The following TSPAN18 variants were observed in gnomAD, a reference collection of about 807,000 sequenced individuals.
TSPAN18 encodes tetraspanin-18.
In TSPAN18, 14 loss-of-function variants were observed where a neutral mutation model predicts 27.3. The observed-to-expected ratio is 0.51, with a 90% confidence interval of 0.34 to 0.80. The LOEUF is 0.80. Ranked by LOEUF, TSPAN18 falls within the 30% of genes least tolerant of loss-of-function variation. The pLI is 0.01. For synonymous variants in TSPAN18, 143 were observed against 136.5 expected, an observed-to-expected ratio of 1.05 and a Z score of -0.33; for missense variants, 268 against 323.9, an observed-to-expected ratio of 0.83 and a Z score of 1.32.
rs748009173 is a variant in TSPAN18, at chr11:44,930,693, T to G, written c.*1515T>G. Reference sequence around the variant, plus strand: ...TAGATCAGGGGTGGCTGCTGGAGGCTGTGCTGGGGATCTGAGGTTTGGTCT... The same window carrying G: ...TAGATCAGGGGTGGCTGCTGGAGGCGGTGCTGGGGATCTGAGGTTTGGTCT... On this transcript the variant is annotated 3_prime_UTR_variant, in exon 10 of 10. Coordinates refer to ENST00000520358, the MANE Select transcript of TSPAN18 (RefSeq NM_130783.5). The G allele has an allele frequency of 1.5e-4, 56 of 378,500 alleles. No individual in the cohort carries two copies. Among genetic ancestry groups the G allele is most frequent in the Non-Finnish European group, 2.8e-4 (52 of 188,262 alleles). 23.4% of individuals were successfully genotyped at this position (378,500 alleles called of 1,614,324 possible). A position where few individuals can be genotyped will look rare whatever the true frequency, so the allele number is the denominator to read the frequency against.
rs577043389 is a variant in TSPAN18 at position 44,896,828 on chromosome 11, C to T, written c.-10-9579C>T. 2.0e-5 allele frequency among the ~76,000 whole-genome samples: 3 copies of T among 152,254 alleles called. No homozygotes were observed. In the South Asian group the frequency reaches 6.2e-4, roughly 32 times the overall value. On this transcript the variant is annotated intron_variant, in intron 3 of 9. Transcript: ENST00000520358. ...ACCACCACTCACTTGTGTGCCCATG[C>T]TTATTTGCACCTCACACTCTCTGGC...
chr11:44,911,920 CTT>C (rs1174607088), intron 5 of TSPAN18, among the ~76,000 whole-genome samples: 11 of 91,466 alleles, frequency 1.2e-4, no homozygotes, highest in African/African-American at 4.1e-4. Context: ...ATGGCAGATC[CTT>C]CCCCTTCCCC....
rs971901682 is a variant in TSPAN18, at chr11:44,930,676, G to A, written c.*1498G>A. On this transcript the variant is annotated 3_prime_UTR_variant, in exon 10 of 10. Coordinates refer to ENST00000520358, the MANE Select transcript of TSPAN18 (RefSeq NM_130783.5). The stretch of plus-strand genomic sequence containing the variant: ...AGATGCTCCTACCCTGATAGATCAG[G>A]GGTGGCTGCTGGAGGCTGTGCTGGG... 2.7e-6 allele frequency: 1 copy of A among 370,394 alleles called. No individual in the cohort carries two copies. The highest frequency in any genetic ancestry group is 2.1e-5 in the African/African-American group (1 of 47,174). The allele number at this position is 370,394 out of a possible 1,614,324, so 22.9% of individuals were successfully genotyped here.
Position 44,930,663 on chromosome 11 carries a change from C to G in TSPAN18, c.*1485C>G, listed in dbSNP as rs1860526409. 2.8e-6 allele frequency: 1 copy of G among 362,862 alleles called. No homozygotes were observed. The highest frequency in any genetic ancestry group is 2.0e-5 in the South Asian group (1 of 49,156). 22.5% of individuals were successfully genotyped at this position (362,862 alleles called of 1,614,324 possible). Reference sequence around the variant, plus strand: ...CAACTGGATTGCAAGATGCTCCTACCCTGATAGATCAGGGGTGGCTGCTGG... The same window carrying G: ...CAACTGGATTGCAAGATGCTCCTACGCTGATAGATCAGGGGTGGCTGCTGG... On this transcript the variant is annotated 3_prime_UTR_variant, in exon 10 of 10. Coordinates refer to ENST00000520358, the MANE Select transcript of TSPAN18 (RefSeq NM_130783.5).
At chr11:44,909,490 G>A (rs11038203) in intron 4 of TSPAN18, 15,735 of 560,974 alleles carry the variant, frequency 0.028, 736 homozygotes, top group East Asian at 0.16. Flanking sequence ...TAGAGGATGC[G>A]TGTTGCACTT....
chr11:44,896,951 A>T (rs1859081453), intron 3 of TSPAN18, among the ~76,000 whole-genome samples: 1 of 152,014 alleles, frequency 6.6e-6, no homozygotes, highest in Non-Finnish European at 1.5e-5. Flanking sequence ...GGGATGGGTA[A>T]ATGGGGAGGA....
chr11:44,768,344 T>C (rs1463631350), intron 2 of TSPAN18, among the ~76,000 whole-genome samples: 1 of 152,238 alleles, frequency 6.6e-6, no homozygotes, highest in Non-Finnish European at 1.5e-5. Context: ...TCAAGTATTT[T>C]ATTTCTTTAG....
intron 2 of TSPAN18, among the ~76,000 whole-genome samples, chr11:44,784,398 T>A (rs1329562139): frequency 6.6e-6 from 1 of 152,158 alleles, no homozygotes. Context: ...TTGCTTTTAC[T>A]CTTGTCTTTA....
intron 2 of TSPAN18, among the ~76,000 whole-genome samples, chr11:44,818,711 C>G (rs1048955852): frequency 1.3e-5 from 2 of 152,128 alleles, no homozygotes; most frequent in Non-Finnish European, 2.9e-5. Context: ...AAGAAGTGAA[C>G]AGTTATGTAC....
intron 2 of TSPAN18, among the ~76,000 whole-genome samples, chr11:44,783,305 A>G (rs1469512705): frequency 6.6e-6 from 1 of 152,208 alleles, no homozygotes; most frequent in Non-Finnish European, 1.5e-5. Flanking sequence ...ACCACTGTTC[A>G]TCGAAACACA....
At chr11:44,839,200 G>T (rs1857320414) in intron 2 of TSPAN18, among the ~76,000 whole-genome samples, 1 of 152,192 alleles carries the variant, frequency 6.6e-6, no homozygotes, top group South Asian at 2.1e-4. Flanking sequence ...GAACATTTTG[G>T]TGGACATGCA....
intron 2 of TSPAN18, among the ~76,000 whole-genome samples, chr11:44,791,494 C>T (rs561343734): frequency 2.6e-5 from 4 of 152,332 alleles, no homozygotes; most frequent in East Asian, 1.9e-4. Flanking sequence ...GATTCCGGAG[C>T]GAGTGGGGCA....
intron 2 of TSPAN18, among the ~76,000 whole-genome samples, chr11:44,769,403 G>C (rs563099991): frequency 6.6e-6 from 1 of 152,160 alleles, no homozygotes; most frequent in Admixed American, 6.5e-5. Context: ...CATAATGATG[G>C]CCTCACAGAA....
chr11:44,851,055 C>G (rs191348987), intron 2 of TSPAN18, among the ~76,000 whole-genome samples: 2 of 152,362 alleles, frequency 1.3e-5, no homozygotes, highest in East Asian at 3.9e-4. Context: ...GGTTTCCTCC[C>G]TCTTGGTCAG....
chr11:44,759,172 T>C (rs1296224930), intron 1 of TSPAN18, among the ~76,000 whole-genome samples: 1 of 152,216 alleles, frequency 6.6e-6, no homozygotes, highest in Non-Finnish European at 1.5e-5. Flanking sequence ...CCCTGCATAC[T>C]GGAGCTTGGC....
At chr11:44,769,400 A>T (rs187048735) in intron 2 of TSPAN18, among the ~76,000 whole-genome samples, 6 of 152,338 alleles carry the variant, frequency 3.9e-5, no homozygotes, top group African/African-American at 1.4e-4. Flanking sequence ...CAGCATAATG[A>T]TGGCCTCACA....
At chr11:44,832,533 G>A (rs1280159481) in intron 2 of TSPAN18, among the ~76,000 whole-genome samples, 1 of 152,110 alleles carries the variant, frequency 6.6e-6, no homozygotes, top group African/African-American at 2.4e-5. Context: ...CCAGCTCTGG[G>A]CTGCTTCTTC....
intron 1 of TSPAN18, among the ~76,000 whole-genome samples, chr11:44,745,114 G>A (rs1258753830): frequency 1.3e-5 from 2 of 152,208 alleles, no homozygotes; most frequent in Non-Finnish European, 2.9e-5. Flanking sequence ...ATGACCTAAG[G>A]TGAGGGTCCA....
chr11:44,731,633 T>TGTGTGTGTGTGAGAGAGA lies in TSPAN18; in HGVS notation c.-240+4347_-240+4348insTGTGTGTGTGAGAGAGAG, dbSNP rs139154582. Among the ~76,000 whole-genome samples the TGTGTGTGTGTGAGAGAGA allele has an allele frequency of 6.3e-3, 672 of 107,406 alleles. 6 individuals carry two copies. The highest frequency in any genetic ancestry group is 9.7e-3 in the Non-Finnish European group (520 of 53,636). The allele number at this position is 107,406 out of a possible 152,430, so 70.5% of individuals were successfully genotyped here. ...GTGTGTGTGTGTGTGTGTGTGTGTG[T>TGTGTGTGTGTGAGAGAGA]GAGAGAGAGAGAGAGAGAGAGAAAA... On this transcript the variant is annotated intron_variant, in intron 1 of 9. Coordinates refer to ENST00000520358, the MANE Select transcript of TSPAN18 (RefSeq NM_130783.5).
Sources: gnomAD v4.1 joint callset for allele counts (sites outside exome capture counted in the v4.1 genomes callset) on GRCh38, gnomAD v4.1.1 for gene constraint, MANE v1.5 for transcripts, NCBI Gene and HGNC (gene_info 2026-07-23, HGNC 2026-07-21) for gene names.